Variants in ETV1 observed in about 807,000 individuals in gnomAD.
The protein encoded by ETV1 is ETS translocation variant 1.
A neutral mutation model predicts 62.3 loss-of-function variants in ETV1; 27 were observed. That is an observed-to-expected ratio of 0.43 (90% CI 0.32 to 0.60). The LOEUF is 0.60. ETV1 is among the 20% of genes least tolerant of loss of function. The probability of loss-of-function intolerance (pLI) is 0.06; values close to 1 mark genes in which losing one functional copy is unlikely to be tolerated. For missense variants in ETV1, 605 were observed against 605.8 expected (o/e 1.00, Z 0.01); for synonymous variants, 222 against 199.6 (o/e 1.11, Z -0.94).
intron 6 of ETV1, among the ~76,000 whole-genome samples, chr7:13,948,610 C>G (rs1272127488): frequency 3.9e-5 from 6 of 152,128 alleles, no homozygotes; most frequent in Non-Finnish European, 7.3e-5. Context: ...CCCACCCATT[C>G]ATTTCGGTCT....
At chr7:13,937,033 C>A (rs1786882883) in intron 7 of ETV1, among the ~76,000 whole-genome samples, 1 of 142,616 alleles carries the variant, frequency 7.0e-6, no homozygotes, top group Admixed American at 7.1e-5. Flanking sequence ...CAGAGTGAGA[C>A]CCTGTCTCAA....
intron 6 of ETV1, among the ~76,000 whole-genome samples, chr7:13,973,943 G>A (rs1388625315): frequency 1.3e-5 from 2 of 152,124 alleles, no homozygotes; most frequent in South Asian, 2.1e-4. Flanking sequence ...CTAAGAAGGT[G>A]ATCATGAATG....
chr7:13,985,968 T>C, intron 5 of ETV1: 1 of 675,872 alleles, frequency 1.5e-6, no homozygotes, highest in Non-Finnish European at 2.5e-6. Flanking sequence ...CCTTGCTCTA[T>C]TAAATAAATC....
chr7:13,907,463 A>G (rs1019615119), intron 11 of ETV1, among the ~76,000 whole-genome samples: 2 of 152,134 alleles, frequency 1.3e-5, no homozygotes, highest in Non-Finnish European at 1.5e-5. Context: ...CTAGTGTAAA[A>G]ATCTGTTAAA....
At chr7:13,974,009 C>T (rs191418195) in intron 6 of ETV1, among the ~76,000 whole-genome samples, 2 of 152,228 alleles carry the variant, frequency 1.3e-5, no homozygotes, top group East Asian at 3.9e-4. Context: ...CTGAATGTGA[C>T]GTGTTTCTTG....
In ETV1 at chr7:13,989,299, A is replaced by G. The variant is rs376408573; in HGVS notation, c.-119T>C. The G allele has an allele frequency of 2.5e-4, 121 of 491,616 alleles. 1 individual carries two copies. In the East Asian group the frequency reaches 3.1e-3, roughly 13 times the overall value. The allele number at this position is 491,616 out of a possible 1,614,324, so 30.5% of individuals were successfully genotyped here. On this transcript the variant is annotated 5_prime_UTR_variant, in exon 2 of 14. Coordinates refer to ENST00000430479, the MANE Select transcript of ETV1 (RefSeq NM_004956.5). ...CCAAAGAGAGCCAACAGAGTTCACAATTTACATATTTTCGGTAGTAGCAAA... is the reference window on the plus strand; with the variant it reads ...CCAAAGAGAGCCAACAGAGTTCACAGTTTACATATTTTCGGTAGTAGCAAA...
intron 6 of ETV1, among the ~76,000 whole-genome samples, chr7:13,974,168 G>C (rs567738963): frequency 6.6e-6 from 1 of 152,300 alleles, no homozygotes; most frequent in South Asian, 2.1e-4. Context: ...CTTCAGTGAG[G>C]TGAAATCTAA....
chr7:13,947,852 G>T (rs969195649), intron 6 of ETV1, among the ~76,000 whole-genome samples: 1 of 152,154 alleles, frequency 6.6e-6, no homozygotes, highest in Non-Finnish European at 1.5e-5. Context: ...TAAATAGTAA[G>T]ACACAGTCCT....
intron 7 of ETV1, 64 bp downstream of exon 7, chr7:13,939,053 T>C: frequency 6.7e-7 from 1 of 1,496,578 alleles, no homozygotes; most frequent in Non-Finnish European, 9.1e-7. Context: ...AGATTTCATA[T>C]TATTCTGGAC....
At chr7:13,985,140 AATTCTCTC>A (rs1001711616) in intron 5 of ETV1, among the ~76,000 whole-genome samples, 3 of 152,136 alleles carry the variant, frequency 2.0e-5, no homozygotes, top group East Asian at 1.9e-4. Flanking sequence ...GAAGCAAATA[AATTCTCTC>A]ATAAAGGTAA....
chr7:13,958,652 A>G (rs1319688992), intron 6 of ETV1: 1 of 152,206 alleles, frequency 6.6e-6, no homozygotes, highest in Non-Finnish European at 1.5e-5. Context: ...TCTAGCTACA[A>G]GACAGTGTAG....
At chr7:13,964,851 C>A (rs1374259763) in intron 6 of ETV1, among the ~76,000 whole-genome samples, 1 of 152,092 alleles carries the variant, frequency 6.6e-6, no homozygotes, top group Non-Finnish European at 1.5e-5. Flanking sequence ...TAAGGGTGTA[C>A]AATCTTTCTT....
intron 6 of ETV1, among the ~76,000 whole-genome samples, chr7:13,960,731 T>C (rs1265756676): frequency 6.6e-6 from 1 of 152,138 alleles, no homozygotes; most frequent in Non-Finnish European, 1.5e-5. Flanking sequence ...GTAATTCTTT[T>C]TGGAGAGAGA....
At chr7:13,902,490 T>C (rs888733946) in intron 12 of ETV1, among the ~76,000 whole-genome samples, 3 of 149,344 alleles carry the variant, frequency 2.0e-5, no homozygotes, top group Admixed American at 1.3e-4. Flanking sequence ...TTAATGTAAA[T>C]CTTCTGAGCA....
In ETV1 at chr7:13,895,919, G is replaced by A. The variant is rs778277062; in HGVS notation, c.1381C>T (p.Pro461Ser). ...SHFDESMAYM[P>S]EGGCCNPHPY... Reference sequence around the variant, plus strand: ...TGGGGGTTGCAGCAGCCCCCTTCCGGCATGTAGGCCATGCTCTCATCAAAG... The same window carrying A: ...TGGGGGTTGCAGCAGCCCCCTTCCGACATGTAGGCCATGCTCTCATCAAAG... The change falls in exon 14 of 14, where the codon CCG (proline) becomes TCG (serine). Residue 461 changes from proline to serine, a missense_variant. Physicochemically the swap from Pro to Ser is moderately conservative, Grantham distance 74. Transcript: ENST00000430479. The A allele has an allele frequency of 1.4e-5, 22 of 1,613,664 alleles. No individual in the cohort carries two copies. The highest frequency in any genetic ancestry group is 4.5e-5 in the East Asian group (2 of 44,872).
At chr7:13,928,545 C>T (rs1298739814) in intron 9 of ETV1, among the ~76,000 whole-genome samples, 7 of 152,094 alleles carry the variant, frequency 4.6e-5, no homozygotes, top group South Asian at 2.1e-4. Context: ...ACCTGGCAGA[C>T]GGAGGTTGCG....
rs753912647 is a variant in ETV1, at chr7:13,939,169, G to C, written c.313C>G (p.Gln105Glu). 1.9e-6 allele frequency: 3 copies of C among 1,613,312 alleles called. No individual in the cohort carries two copies. The South Asian group carries it at 3.3e-5, about 18-fold the overall frequency. ...PCSEISSACS[Q>E]EQPFKFSYGE... ...TAGCTGAATTTAAAGGGCTGTTCTT[G>C]ACTGCAGGCAGAGCTGATTTCTGAA... The change falls in exon 7 of 14, where the codon CAA becomes GAA. Residue 105 changes from glutamine to glutamate, a missense_variant. This residue lies in a region of ETV1 where 426 missense variants were observed against 377.8 expected (regional missense o/e 1.13). Coordinates refer to ENST00000430479, the MANE Select transcript of ETV1 (RefSeq NM_004956.5).
intron 9 of ETV1, among the ~76,000 whole-genome samples, chr7:13,927,924 A>T (rs1785618731): frequency 1.3e-5 from 2 of 152,232 alleles, no homozygotes; most frequent in African/African-American, 2.4e-5. Flanking sequence ...GGTAATTTTA[A>T]ATATAATTTA....
chr7:13,930,822 A>G (rs545602766), intron 9 of ETV1, among the ~76,000 whole-genome samples: 5 of 151,490 alleles, frequency 3.3e-5, no homozygotes, highest in South Asian at 4.2e-4. Flanking sequence ...GATTTTTGAG[A>G]CGGAGTCTCT....
Sources: allele counts gnomAD v4.1 joint callset (sites outside exome capture counted in the v4.1 genomes callset), GRCh38; gene constraint gnomAD v4.1.1; regional missense constraint gnomAD v4.1.1; transcripts MANE v1.5; gene names NCBI Gene and HGNC (gene_info 2026-07-23, HGNC 2026-07-21).